INPP5B: variants seen among roughly 807,000 people sequenced by gnomAD.
INPP5B encodes inositol polyphosphate-5-phosphatase B.
INPP5B carries 90 observed loss-of-function variants against 118.5 expected under a neutral mutation model. The observed-to-expected ratio is 0.76, with a 90% CI of 0.64 to 0.90. The LOEUF (loss-of-function observed/expected upper bound fraction) is 0.90. INPP5B is among the 40% of genes least tolerant of loss of function. The probability of loss-of-function intolerance (pLI) is 0.00; values close to 1 mark genes in which losing one functional copy is unlikely to be tolerated. For synonymous variants in INPP5B, 385 were observed against 418.9 expected, an observed-to-expected ratio of 0.92 and a Z score of 0.99; for missense variants, 984 against 1,125.6, an observed-to-expected ratio of 0.87 and a Z score of 1.80.
intron 7 of INPP5B, among the ~76,000 whole-genome samples, chr1:37,911,131 C>T (rs866611610): frequency 1.3e-5 from 2 of 152,232 alleles, no homozygotes; most frequent in African/African-American, 2.4e-5. Flanking sequence ...CTAGCCCTTA[C>T]GTCTGCGTGT....
intron 11 of INPP5B, 52 bp downstream of exon 11, chr1:37,887,299 A>G (rs1269606771): frequency 9.3e-7 from 1 of 1,079,754 alleles, no homozygotes; most frequent in African/African-American, 1.6e-5. Flanking sequence ...ATGATCTTGG[A>G]ATTTCCCTGC....
intron 22 of INPP5B, 125 bp downstream of exon 22, chr1:37,865,636 G>A: frequency 9.3e-7 from 1 of 1,070,728 alleles, no homozygotes. Context: ...GAAAGAGCAG[G>A]TTTGAGAAGG....
Position 37,891,389 on chromosome 1 carries a change from C to T in INPP5B, c.598G>A (p.Gly200Ser). 6.2e-7 allele frequency: 1 copy of T among 1,613,978 alleles called. No homozygotes were observed. Among genetic ancestry groups the T allele is most frequent in the Non-Finnish European group, 8.5e-7 (1 of 1,179,950 alleles). Residue 200 changes from glycine (G) to serine (S), a missense_variant, in exon 8 of 24, where the codon GGT (glycine) becomes AGT (serine). Gly to Ser is a moderately conservative substitution (Grantham distance 56, BLOSUM62 0). Transcript: ENST00000373024. ...KGVPMDQSSRGQDKPESLQPR... is the reference protein window; with the variant it reads ...KGVPMDQSSRSQDKPESLQPR... ...TGCAAGCTTTCTGGTTTATCTTGAC[C>T]CCTGGAGCTTTGGTCCATAGGCACT...
At chr1:37,922,831 G>T (rs1050057034) in intron 7 of INPP5B, among the ~76,000 whole-genome samples, 20 of 152,244 alleles carry the variant, frequency 1.3e-4, no homozygotes, top group Admixed American at 3.3e-4. Flanking sequence ...AGGCTGGCAA[G>T]GACTAAATAT....
In INPP5B at chr1:37,868,575, A is replaced by G. The variant is rs764214869; in HGVS notation, c.2227T>C (p.Leu743=). Residue 743 remains leucine (L), a synonymous_variant, in exon 20 of 24, where the codon TTG becomes CTG. Transcript: ENST00000373024. ...PVWTGDDGSQ[L]DSPMEIPKEL... ...TTGGGGATTTCCATGGGGCTATCCAACTGGCTCCCATCATCTCCAGTCCAT... is the reference window on the plus strand; with the variant it reads ...TTGGGGATTTCCATGGGGCTATCCAGCTGGCTCCCATCATCTCCAGTCCAT... 5 of 1,613,808 alleles carry G rather than the reference A, an allele frequency of 3.1e-6. No homozygotes were observed. The South Asian group carries it at 3.3e-5, about 11-fold the overall frequency.
chr1:37,918,620 G>T (rs1441263009), intron 7 of INPP5B, among the ~76,000 whole-genome samples: 1 of 152,110 alleles, frequency 6.6e-6, no homozygotes, highest in African/African-American at 2.4e-5. Flanking sequence ...AAAATGCCTT[G>T]GGCTTTGGAA....
At chr1:37,909,959 T>C (rs1435912699) in intron 7 of INPP5B, among the ~76,000 whole-genome samples, 1 of 152,134 alleles carries the variant, frequency 6.6e-6, no homozygotes, top group Non-Finnish European at 1.5e-5. Flanking sequence ...GGCCAAGGAA[T>C]GCCTGCAGCC....
Position 37,896,696 on chromosome 1 carries a change from C to T in INPP5B, c.533-5242G>A, listed in dbSNP as rs1203406680. ...CTGGGAAGTGAGGAGCCCCTCTGCC[C>T]GGCCAGCCGCCCCGTCCGGGAGGGA... On this transcript the variant is annotated intron_variant, in intron 7 of 23. Coordinates refer to ENST00000373024, the MANE Select transcript of INPP5B (RefSeq NM_005540.3). 9.8e-4 allele frequency among the ~76,000 whole-genome samples: 118 copies of T among 120,646 alleles called. 1 individual carries two copies. The highest frequency in any genetic ancestry group is 3.0e-3 in the African/African-American group (99 of 33,186). The allele number at this position is 120,646 out of a possible 152,430, so 79.1% of individuals were successfully genotyped here.
rs577469916 is a variant in INPP5B at position 37,878,042 on chromosome 1, G to A, written c.1677+146C>T. ...GCATACTAAAACAATTATTAACCAA[G>A]TTGTTAATAATTGTTTTAAATTGTC... On this transcript the variant is annotated intron_variant, in intron 16 of 23. Coordinates refer to ENST00000373024, the MANE Select transcript of INPP5B (RefSeq NM_005540.3). 1.9e-5 allele frequency: 18 copies of A among 944,812 alleles called. No homozygotes were observed. In the South Asian group the frequency reaches 3.2e-4, roughly 17 times the overall value. The allele number at this position is 944,812 out of a possible 1,614,324, so 58.5% of individuals were successfully genotyped here.
intron 6 of INPP5B, among the ~76,000 whole-genome samples, chr1:37,934,209 A>G (rs1006899140): frequency 1.3e-5 from 2 of 152,166 alleles, no homozygotes; most frequent in Admixed American, 6.6e-5. Context: ...CTGGGATTAC[A>G]GGTGTGAGCC....
At chr1:37,893,914 A>T (rs1643921450) in intron 7 of INPP5B, among the ~76,000 whole-genome samples, 1 of 152,146 alleles carries the variant, frequency 6.6e-6, no homozygotes, top group Non-Finnish European at 1.5e-5. Context: ...GCTAACTCCT[A>T]CCCATCCTGT....
chr1:37,882,991 C>A, intron 13 of INPP5B, 73 bp from the exon 14 acceptor site: 1 of 1,570,560 alleles, frequency 6.4e-7, no homozygotes, highest in Non-Finnish European at 8.6e-7. Context: ...GTGCTTCTGA[C>A]AAAGGCCCCT....
chr1:37,924,248 A>C (rs1645149499), intron 7 of INPP5B, among the ~76,000 whole-genome samples: 1 of 151,370 alleles, frequency 6.6e-6, no homozygotes, highest in Non-Finnish European at 1.5e-5. Flanking sequence ...GGCTCACTGC[A>C]ACCTCCACCT....
chr1:37,943,711 A>G, intron 4 of INPP5B, 42 bp from the exon 5 acceptor site: 1 of 1,612,876 alleles, frequency 6.2e-7, no homozygotes, highest in Non-Finnish European at 8.5e-7. Flanking sequence ...AATTGAGCTT[A>G]CTCCCCCTTG....
At chr1:37,895,454 T>C (rs576450210) in intron 7 of INPP5B, among the ~76,000 whole-genome samples, 18 of 152,174 alleles carry the variant, frequency 1.2e-4, no homozygotes, top group African/African-American at 4.3e-4. Context: ...TAGAGACCCC[T>C]ATCTCTTAAA....
At chr1:37,939,727 G>A (rs1354528727) in intron 6 of INPP5B, among the ~76,000 whole-genome samples, 1 of 151,578 alleles carries the variant, frequency 6.6e-6, no homozygotes, top group Non-Finnish European at 1.5e-5. Flanking sequence ...ACAGGCGTGA[G>A]CCACCGCGCC....
intron 14 of INPP5B, among the ~76,000 whole-genome samples, chr1:37,880,873 G>A (rs969952881): frequency 6.6e-6 from 1 of 152,176 alleles, no homozygotes; most frequent in Admixed American, 6.5e-5. Flanking sequence ...CTGCAGCTGT[G>A]CAACACCACA....
In INPP5B at chr1:37,882,930, G is replaced by C. The variant is rs147875109; in HGVS notation, c.1320-12C>G. 2.9e-4 allele frequency: 469 copies of C among 1,614,068 alleles called. 1 individual carries two copies. Among genetic ancestry groups the C allele is most frequent in the Non-Finnish European group, 3.6e-4 (430 of 1,179,962 alleles). ...GCCACAAGATCACACTGTGAGGACA[G>C]AGCACAAAGGTAACAGGGTTTAGGA... On this transcript the variant is annotated splice_polypyrimidine_tract_variant and intron_variant, in intron 13 of 23. Coordinates refer to ENST00000373024, the MANE Select transcript of INPP5B (RefSeq NM_005540.3).
chr1:37,880,423 T>TTTTATTTATTTATTTATTTA lies in INPP5B; in HGVS notation c.1432-249_1432-230dup, dbSNP rs71278742. 3.8e-3 allele frequency among the ~76,000 whole-genome samples: 563 copies of TTTTATTTATTTATTTATTTA among 149,834 alleles called. 4 individuals carry two copies. Among genetic ancestry groups the TTTTATTTATTTATTTATTTA allele is most frequent in the Non-Finnish European group, 6.5e-3 (440 of 67,486 alleles). On this transcript the variant is annotated intron_variant, in intron 14 of 23. Transcript: ENST00000373024. ...TTTTTTATTTTTTAAGTTTTTAATG[T>TTTTATTTATTTATTTATTTA]TTTATTTATTTATTTATTTATTTAT...
Sources: gnomAD v4.1 joint callset for allele counts (sites outside exome capture counted in the v4.1 genomes callset) on GRCh38, gnomAD v4.1.1 for gene constraint, MANE v1.5 for transcripts, NCBI Gene and HGNC (gene_info 2026-07-23, HGNC 2026-07-21) for gene names.